The following TNIK variants were observed in gnomAD, a reference collection of about 807,000 sequenced individuals.
TNIK encodes TRAF2 and NCK interacting kinase, also known as TRAF2 and NCK-interacting protein kinase.
A neutral mutation model predicts 191.3 loss-of-function variants in TNIK; 49 were observed. The ratio of observed to expected loss-of-function variants is 0.26; its 90% confidence interval spans 0.20 to 0.32. TNIK has a LOEUF of 0.32. Ranked by LOEUF, TNIK falls within the 10% of genes least tolerant of loss-of-function variation. The pLI, the probability that TNIK is intolerant of heterozygous loss-of-function variation, is 1.00. For missense variants in TNIK, 1,155 were observed against 1,702.3 expected, an observed-to-expected ratio of 0.68 and a Z score of 5.66; for synonymous variants, 594 against 600.9, an observed-to-expected ratio of 0.99 and a Z score of 0.17.
intron 2 of TNIK, among the ~76,000 whole-genome samples, chr3:171,368,207 AT>A (rs1716007136): frequency 6.6e-6 from 1 of 152,186 alleles, no homozygotes; most frequent in Admixed American, 6.5e-5. Flanking sequence ...TCCCAAATGT[AT>A]ATTCTATGGG....
At chr3:171,350,595 T>TAA (rs71178208) in intron 2 of TNIK, among the ~76,000 whole-genome samples, 7,661 of 97,850 alleles carry the variant, frequency 0.078, 628 homozygotes, top group African/African-American at 0.18. Context: ...GCTCTGTTGC[T>TAA]AAAAAAAAAA....
intron 1 of TNIK, among the ~76,000 whole-genome samples, chr3:171,409,646 A>G (rs183392159): frequency 1.3e-5 from 2 of 151,532 alleles, no homozygotes; most frequent in African/African-American, 4.9e-5. Context: ...TATTGTTGAG[A>G]TGATGAGTTT....
At chr3:171,112,467 G>A (rs1241290237) in intron 18 of TNIK, among the ~76,000 whole-genome samples, 1 of 152,056 alleles carries the variant, frequency 6.6e-6, no homozygotes, top group Non-Finnish European at 1.5e-5. Context: ...TTTTTTCTGT[G>A]CTCATTGTAA....
At position 171,228,121 on chromosome 3, in the gene TNIK, G is replaced by A. The variant is rs757971001; in HGVS notation, c.180+44C>T. 10 of 1,604,040 alleles carry A rather than the reference G, an allele frequency of 6.2e-6. No homozygotes were observed. In the African/African-American group the frequency reaches 6.7e-5, roughly 11 times the overall value. On this transcript the variant is annotated intron_variant, in intron 3 of 32. Coordinates refer to ENST00000436636, the MANE Select transcript of TNIK (RefSeq NM_015028.4). ...GGATGTGAACTCATCATAAGTCAAG[G>A]AGCATCTGCATGGCTATTGAGATGG...
rs1455158423 is a variant in TNIK, at chr3:171,460,109, T to C, written c.-46A>G. 1.3e-6 allele frequency: 2 copies of C among 1,574,020 alleles called. No homozygotes were observed. Among genetic ancestry groups the C allele is most frequent in the East Asian group, 2.3e-5 (1 of 42,744 alleles). On this transcript the variant is annotated 5_prime_UTR_variant, in exon 1 of 33. Transcript: ENST00000436636. The surrounding 1 kb of genome is among the most constrained non-coding windows in gnomAD (Gnocchi z 6.8). The stretch of plus-strand genomic sequence containing the variant: ...AATGGACCAAAACCACCCCGAAGCT[T>C]TTCCCTTGGAAATTCCACCTTGGTC...
intron 7 of TNIK, among the ~76,000 whole-genome samples, 190 bp downstream of exon 7, chr3:171,188,512 C>T (rs1404651023): frequency 6.6e-6 from 1 of 151,910 alleles, no homozygotes; most frequent in African/African-American, 2.4e-5. Context: ...TACAAACAGG[C>T]CATCAGATAA....
chr3:171,156,169 A>G (rs1733148500), intron 12 of TNIK, among the ~76,000 whole-genome samples: 1 of 152,236 alleles, frequency 6.6e-6, no homozygotes, highest in Admixed American at 6.5e-5. Context: ...CTATAAGCAA[A>G]GCATCCTGCC....
Position 171,151,019 on chromosome 3 carries a change from A to G in TNIK, c.1221+6441T>C, listed in dbSNP as rs73882617. On this transcript the variant is annotated intron_variant, in intron 12 of 32. Coordinates refer to ENST00000436636, the MANE Select transcript of TNIK (RefSeq NM_015028.4). ...ATAACAATAAAATATTCACCCAAGAATACCAATCCAGGTTTTGTGTTAGGC... is the reference window on the plus strand; with the variant it reads ...ATAACAATAAAATATTCACCCAAGAGTACCAATCCAGGTTTTGTGTTAGGC... 5.1e-3 allele frequency among the ~76,000 whole-genome samples: 772 copies of G among 152,350 alleles called. 9 individuals are homozygous for G. The highest frequency in any genetic ancestry group is 0.018 in the African/African-American group (731 of 41,588).
chr3:171,153,977 ATT>A (rs1732817029), intron 12 of TNIK, among the ~76,000 whole-genome samples: 1 of 152,218 alleles, frequency 6.6e-6, no homozygotes, highest in South Asian at 2.1e-4. Context: ...GGGAGACTGT[ATT>A]TCTAGTGTCT....
chr3:171,322,808 TTTG>T (rs949034409), intron 2 of TNIK, among the ~76,000 whole-genome samples: 5 of 150,824 alleles, frequency 3.3e-5, no homozygotes, highest in East Asian at 1.9e-4. Flanking sequence ...TAGTGTTTTT[TTTG>T]TTGTTGTTAT....
chr3:171,242,554 G>A (rs932043602), intron 2 of TNIK, among the ~76,000 whole-genome samples: 6 of 151,422 alleles, frequency 4.0e-5, no homozygotes, highest in African/African-American at 1.5e-4. Context: ...TCTTGTGTTT[G>A]CAACATTAAT....
At chr3:171,072,311 G>A (rs979824285) in intron 28 of TNIK, among the ~76,000 whole-genome samples, 1 of 152,090 alleles carries the variant, frequency 6.6e-6, no homozygotes, top group African/African-American at 2.4e-5. Flanking sequence ...ATGACATTAA[G>A]TTTCCAGTTA....
At chr3:171,444,992 G>T (rs1727302955) in intron 1 of TNIK, among the ~76,000 whole-genome samples, 3 of 151,994 alleles carry the variant, frequency 2.0e-5, no homozygotes, top group Admixed American at 6.6e-5. Flanking sequence ...TGGGATTACA[G>T]GCATGAGCCA....
Position 171,288,337 on chromosome 3 carries a change from A to T in TNIK, c.124-60116T>A, listed in dbSNP as rs953319924. ...GTATAATTTAAAAAAAAAAAAAAAGAAAATATTTGGGTGGAATGATCAGTT... is the reference window on the plus strand; with the variant it reads ...GTATAATTTAAAAAAAAAAAAAAAGTAAATATTTGGGTGGAATGATCAGTT... On this transcript the variant is annotated intron_variant, in intron 2 of 32. Coordinates refer to ENST00000436636, the MANE Select transcript of TNIK (RefSeq NM_015028.4). Among the ~76,000 whole-genome samples, 26 of 138,786 alleles carry T rather than the reference A, an allele frequency of 1.9e-4. No homozygotes were observed. In the East Asian group the frequency reaches 4.7e-3, roughly 25 times the overall value. The allele number at this position is 138,786 out of a possible 152,430, so 91.0% of individuals were successfully genotyped here. A position where few individuals can be genotyped will look rare whatever the true frequency, so the allele number is the denominator to read the frequency against.
intron 2 of TNIK, among the ~76,000 whole-genome samples, chr3:171,230,679 ACT>A (rs1267151898): frequency 6.6e-6 from 1 of 151,358 alleles, no homozygotes; most frequent in Admixed American, 6.6e-5. Context: ...CAGACAACTT[ACT>A]CTCTCTTTCC....
intron 2 of TNIK, among the ~76,000 whole-genome samples, chr3:171,238,309 A>G (rs1470911115): frequency 6.6e-6 from 1 of 151,684 alleles, no homozygotes; most frequent in Admixed American, 6.6e-5. Flanking sequence ...GTGAGATCCT[A>G]TCTCTAAAAA....
intron 1 of TNIK, among the ~76,000 whole-genome samples, chr3:171,414,733 G>A (rs1367408732): frequency 6.6e-6 from 1 of 152,218 alleles, no homozygotes; most frequent in African/African-American, 2.4e-5. Flanking sequence ...CAGCTGGAAA[G>A]TGTGTAACCC....
At chr3:171,135,535 T>C (rs1382903312) in intron 15 of TNIK, among the ~76,000 whole-genome samples, 1 of 152,238 alleles carries the variant, frequency 6.6e-6, no homozygotes, top group Non-Finnish European at 1.5e-5. Context: ...AACTGTTTCA[T>C]GAACAGACAA....
chr3:171,140,802 G>T (rs930690532), intron 12 of TNIK, among the ~76,000 whole-genome samples: 5 of 152,078 alleles, frequency 3.3e-5, no homozygotes, highest in African/African-American at 1.2e-4. Flanking sequence ...TTCAAGTCAG[G>T]CGTAGAAAAC....
Sources: allele counts gnomAD v4.1 joint callset (sites outside exome capture counted in the v4.1 genomes callset), GRCh38; gene constraint gnomAD v4.1.1; non-coding constraint Gnocchi (gnomAD v3.1); transcripts MANE v1.5; gene names NCBI Gene and HGNC (gene_info 2026-07-23, HGNC 2026-07-21).